JHY: variants seen among roughly 807,000 people sequenced by gnomAD.
The protein encoded by JHY is junctional cadherin complex regulator.
In JHY, 69 loss-of-function variants were observed where a neutral mutation model predicts 78.0. That is an observed-to-expected ratio of 0.88 (90% CI 0.73 to 1.08). JHY has a LOEUF of 1.08. JHY is among the 50% of genes least tolerant of loss of function. The pLI is 0.00. For missense variants in JHY, 944 were observed against 927.8 expected (o/e 1.02, Z -0.23); for synonymous variants, 368 against 342.6 (o/e 1.07, Z -0.82).
At chr11:122,913,716 T>C (rs547017966) in intron 3 of JHY, among the ~76,000 whole-genome samples, 16 of 152,256 alleles carry the variant, frequency 1.1e-4, no homozygotes, top group African/African-American at 3.4e-4. Context: ...TTCCAGTACC[T>C]CCCTCATTCC....
intron 4 of JHY, among the ~76,000 whole-genome samples, chr11:122,933,694 A>G (rs1379541372): frequency 1.3e-5 from 2 of 152,194 alleles, no homozygotes; most frequent in African/African-American, 4.8e-5. Context: ...AATAAAATCT[A>G]ATTTGTTTCA....
intron 2 of JHY, among the ~76,000 whole-genome samples, chr11:122,890,314 T>C (rs1380545074): frequency 6.6e-6 from 1 of 152,210 alleles, no homozygotes; most frequent in Non-Finnish European, 1.5e-5. Flanking sequence ...TTTTGAAGGA[T>C]GCAAATGAAG....
At chr11:122,957,145 T>G (rs1473168393) in intron 7 of JHY, among the ~76,000 whole-genome samples, 1 of 152,170 alleles carries the variant, frequency 6.6e-6, no homozygotes, top group African/African-American at 2.4e-5. Flanking sequence ...ATACCGGGCG[T>G]GATATTGCAG....
intron 5 of JHY, among the ~76,000 whole-genome samples, chr11:122,944,513 T>G (rs1047393990): frequency 6.6e-6 from 1 of 152,220 alleles, no homozygotes; most frequent in Non-Finnish European, 1.5e-5. Flanking sequence ...TTTCCTGTCA[T>G]ACATATTACT....
intron 4 of JHY, among the ~76,000 whole-genome samples, chr11:122,932,488 T>C (rs1378972394): frequency 1.6e-4 from 25 of 152,210 alleles, no homozygotes. Flanking sequence ...GAGAAGTAAG[T>C]ATTTTCTTTT....
chr11:122,892,160 A>C (rs941872154), intron 2 of JHY, among the ~76,000 whole-genome samples: 1 of 152,074 alleles, frequency 6.6e-6, no homozygotes, highest in Non-Finnish European at 1.5e-5. Flanking sequence ...TTCCTTTCTG[A>C]TCACTTCTGA....
At chr11:122,909,377 T>C (rs1424737450) in intron 3 of JHY, among the ~76,000 whole-genome samples, 3 of 152,198 alleles carry the variant, frequency 2.0e-5, no homozygotes, top group Admixed American at 6.5e-5. Context: ...GCCAGGTTGG[T>C]TGGCACTGCC....
At chr11:122,956,448 G>T in intron 6 of JHY, 48 bp from the exon 7 acceptor site, 1 of 1,555,766 alleles carries the variant, frequency 6.4e-7, no homozygotes, top group South Asian at 1.1e-5. Context: ...AGGAGTCGGG[G>T]GACACACAAG....
chr11:122,909,845 T>C (rs539309378), intron 3 of JHY, among the ~76,000 whole-genome samples: 1 of 152,300 alleles, frequency 6.6e-6, no homozygotes, highest in South Asian at 2.1e-4. Flanking sequence ...GACTGGCCCA[T>C]AGCAAGTATA....
rs1041840063 is a variant in JHY, at chr11:122,935,148, A to C, written c.1634+73A>C. ...ACTGCTGCAGAAAGACGGGAGAGGA[A>C]GAAGGGGAAGGGGAATCCATAAGGT... is the stretch of plus-strand genomic sequence containing the variant. On this transcript the variant is annotated intron_variant, in intron 5 of 8. Coordinates refer to ENST00000227349, the MANE Select transcript of JHY (RefSeq NM_024806.4). This position sits in a 1 kb window ranked among gnomAD's most constrained non-coding sequence, Gnocchi z 4.5. 7.3e-7 allele frequency: 1 copy of C among 1,361,696 alleles called. No individual in the cohort carries two copies. Among genetic ancestry groups the C allele is most frequent in the South Asian group, 1.5e-5 (1 of 65,362 alleles). The allele number at this position is 1,361,696 out of a possible 1,614,324, so 84.4% of individuals were successfully genotyped here.
At chr11:122,906,471 A>G (rs1470340184) in intron 3 of JHY, among the ~76,000 whole-genome samples, 1 of 152,146 alleles carries the variant, frequency 6.6e-6, no homozygotes, top group African/African-American at 2.4e-5. Flanking sequence ...TTGGGATTAC[A>G]GGCATGAGTC....
At chr11:122,931,759 G>A (rs1295352370) in intron 4 of JHY, among the ~76,000 whole-genome samples, 1 of 152,158 alleles carries the variant, frequency 6.6e-6, no homozygotes, top group Admixed American at 6.5e-5. Context: ...ATCAGAGCAG[G>A]CATTGTCCCG....
chr11:122,930,553 A>G (rs969959204), intron 4 of JHY, among the ~76,000 whole-genome samples: 5 of 152,222 alleles, frequency 3.3e-5, no homozygotes, highest in African/African-American at 1.2e-4. Context: ...TTTTTACTTT[A>G]AAAATACTGA....
intron 6 of JHY, chr11:122,947,579 T>G (rs539081010): frequency 2.6e-5 from 4 of 152,314 alleles, no homozygotes; most frequent in Admixed American, 2.0e-4. Context: ...GTCACTTGCT[T>G]CCAGTGTCAA....
rs777396851 is a variant in JHY, at chr11:122,890,595, T to C, written c.344+4402T>C. ...ATGAAGTGACCTCATTTCCCAGTTG[T>C]TGGGTTTTTTTCTCCTTTTGTCCAG... is the stretch of plus-strand genomic sequence containing the variant. On this transcript the variant is annotated intron_variant, in intron 2 of 8. Transcript: ENST00000227349. Among the ~76,000 whole-genome samples, 4 of 152,324 alleles carry C rather than the reference T, an allele frequency of 2.6e-5. No homozygotes were observed. In the East Asian group the frequency reaches 7.7e-4, roughly 29 times the overall value.
At chr11:122,937,692 C>T (rs1225726027) in intron 5 of JHY, among the ~76,000 whole-genome samples, 1 of 152,100 alleles carries the variant, frequency 6.6e-6, no homozygotes, top group African/African-American at 2.4e-5. Context: ...TCATATTATC[C>T]TTAAGAATCT....
intron 3 of JHY, among the ~76,000 whole-genome samples, chr11:122,908,674 C>T (rs978549843): frequency 3.3e-5 from 5 of 152,206 alleles, no homozygotes; most frequent in African/African-American, 9.6e-5. Flanking sequence ...GCTTGGGTAC[C>T]GAGTGTGGAG....
At chr11:122,889,547 C>T (rs2135282151) in intron 2 of JHY, among the ~76,000 whole-genome samples, 1 of 152,224 alleles carries the variant, frequency 6.6e-6, no homozygotes, top group South Asian at 2.1e-4. Context: ...GGGCTATATA[C>T]AAATATTACC....
intron 2 of JHY, among the ~76,000 whole-genome samples, chr11:122,897,107 G>A (rs1050996651): frequency 1.3e-5 from 2 of 151,982 alleles, no homozygotes; most frequent in East Asian, 1.9e-4. Flanking sequence ...CACCTGCCTC[G>A]GCCTCCCAAA....
Sources: gnomAD v4.1 joint callset for allele counts (sites outside exome capture counted in the v4.1 genomes callset) on GRCh38, gnomAD v4.1.1 for gene constraint, Gnocchi (gnomAD v3.1) non-coding constraint, MANE v1.5 for transcripts, NCBI Gene and HGNC (gene_info 2026-07-23, HGNC 2026-07-21) for gene names.